Variants in SMCHD1 observed in about 807,000 individuals in gnomAD.
The protein encoded by SMCHD1 is structural maintenance of chromosomes flexible hinge domain-containing protein 1.
A neutral mutation model predicts 254.7 loss-of-function variants in SMCHD1; 78 were observed. That is an observed-to-expected ratio of 0.31 (90% CI 0.26 to 0.37). SMCHD1 has a LOEUF of 0.37. SMCHD1 is among the 10% of genes least tolerant of loss of function. SMCHD1 has a pLI of 1.00. For synonymous variants in SMCHD1, 766 were observed against 794.9 expected, an observed-to-expected ratio of 0.96 and a Z score of 0.61; for missense variants, 1,840 against 2,408.1, an observed-to-expected ratio of 0.76 and a Z score of 4.94.
At chr18:2,702,581 CAAT>C (rs1197339992) in intron 12 of SMCHD1, among the ~76,000 whole-genome samples, 3 of 152,190 alleles carry the variant, frequency 2.0e-5, no homozygotes, top group Non-Finnish European at 2.9e-5. Flanking sequence ...AAACTGACAA[CAAT>C]GATTTGCTGA....
chr18:2,796,272 C>A, intron 46 of SMCHD1, 135 bp from the exon 47 acceptor site: 2 of 853,988 alleles, frequency 2.3e-6, no homozygotes, highest in Non-Finnish European at 3.5e-6. Flanking sequence ...ACTATTCTTT[C>A]ACCAGAAGTA....
At chr18:2,656,614 T>C (rs773450798) in intron 1 of SMCHD1, among the ~76,000 whole-genome samples, 2 of 152,252 alleles carry the variant, frequency 1.3e-5, no homozygotes, top group African/African-American at 2.4e-5. Context: ...TGGTGGTGTC[T>C]GTTTTTACTT....
chr18:2,696,763 C>T (rs993390442), intron 8 of SMCHD1, among the ~76,000 whole-genome samples: 3 of 152,166 alleles, frequency 2.0e-5, no homozygotes, highest in African/African-American at 7.2e-5. Context: ...TTGGAAAGGT[C>T]TGGGTTGAAG....
intron 7 of SMCHD1, among the ~76,000 whole-genome samples, chr18:2,693,227 G>A (rs1393070019): frequency 2.6e-5 from 4 of 152,080 alleles, no homozygotes; most frequent in Non-Finnish European, 4.4e-5. Flanking sequence ...TATTTCCACA[G>A]TTTTATAATG....
At chr18:2,755,785 T>C (rs2075666743) in intron 34 of SMCHD1, among the ~76,000 whole-genome samples, 1 of 151,968 alleles carries the variant, frequency 6.6e-6, no homozygotes. Context: ...GCCAGGATGA[T>C]CTCGATCTTC....
In SMCHD1 at chr18:2,775,862, A is replaced by C. The variant is rs758494463; in HGVS notation, c.5304A>C (p.Gln1768His). The change falls in exon 42 of 48, where the codon CAA becomes CAC. Residue 1768 changes from glutamine to histidine, a missense_variant. Physicochemically the swap from Gln to His is conservative, Grantham distance 24. Coordinates refer to ENST00000320876, the MANE Select transcript of SMCHD1 (RefSeq NM_015295.3). ...CACGTCGTATCTATGATGAAACCCA[A>C]GGTCGTCAGCAGGTGTTGCCCCTTG... is the stretch of plus-strand genomic sequence containing the variant. ...DAARRIYDET[Q>H]GRQQVLPLDS... 4 of 1,612,132 alleles carry C rather than the reference A, an allele frequency of 2.5e-6. No individual in the cohort carries two copies. The East Asian group carries it at 8.9e-5, about 36-fold the overall frequency.
intron 17 of SMCHD1, among the ~76,000 whole-genome samples, chr18:2,716,378 G>A (rs939777759): frequency 1.3e-5 from 2 of 152,260 alleles, no homozygotes; most frequent in East Asian, 1.9e-4. Flanking sequence ...CCTCCTGTCC[G>A]GTATGTGGTG....
intron 45 of SMCHD1, 48 bp downstream of exon 45, chr18:2,784,669 C>G: frequency 6.8e-7 from 1 of 1,470,468 alleles, no homozygotes; most frequent in African/African-American, 1.4e-5. Context: ...TAATTTTACT[C>G]TTATTTTTCT....
chr18:2,756,493 G>C (rs531782401), intron 34 of SMCHD1, among the ~76,000 whole-genome samples: 2 of 152,130 alleles, frequency 1.3e-5, no homozygotes, highest in South Asian at 2.1e-4. Flanking sequence ...GTGTTTTTGT[G>C]GGGGGAAGGT....
chr18:2,713,616 C>T (rs2074730122), intron 17 of SMCHD1, among the ~76,000 whole-genome samples: 2 of 152,130 alleles, frequency 1.3e-5, no homozygotes, highest in African/African-American at 4.8e-5. Context: ...ACCTGGGAGG[C>T]AGAGGCTGCA....
At chr18:2,755,714 C>T (rs561226228) in intron 34 of SMCHD1, among the ~76,000 whole-genome samples, 4 of 151,630 alleles carry the variant, frequency 2.6e-5, no homozygotes, top group Non-Finnish European at 4.4e-5. Context: ...ACTATAGGCA[C>T]CTGCCACCAC....
intron 44 of SMCHD1, among the ~76,000 whole-genome samples, chr18:2,783,543 T>A (rs2076191757): frequency 6.6e-6 from 1 of 152,160 alleles, no homozygotes; most frequent in South Asian, 2.1e-4. Context: ...AAATCCAGTA[T>A]TTTTCCTTTA....
intron 42 of SMCHD1, among the ~76,000 whole-genome samples, chr18:2,776,535 G>C (rs888597397): frequency 6.6e-6 from 1 of 152,048 alleles, no homozygotes; most frequent in South Asian, 2.1e-4. Context: ...TATGTACCCT[G>C]ATTAGGCCTA....
At chr18:2,661,423 A>G (rs2073249480) in intron 1 of SMCHD1, among the ~76,000 whole-genome samples, 1 of 150,232 alleles carries the variant, frequency 6.7e-6, no homozygotes, top group South Asian at 2.1e-4. Flanking sequence ...TATGGATTAG[A>G]AATCTGTGGG....
intron 17 of SMCHD1, 90 bp downstream of exon 17, chr18:2,708,010 C>T (rs1359463176): frequency 1.1e-5 from 8 of 759,532 alleles, no homozygotes; most frequent in Non-Finnish European, 1.6e-5. Context: ...GATGACCTAG[C>T]AATCTGATAG....
chr18:2,779,579 T>G (rs1009680102), intron 44 of SMCHD1, among the ~76,000 whole-genome samples: 5 of 152,176 alleles, frequency 3.3e-5, no homozygotes, highest in African/African-American at 1.2e-4. Context: ...TAGTGTATTC[T>G]AGAATCACGG....
At chr18:2,765,108 G>A (rs984059620) in intron 37 of SMCHD1, among the ~76,000 whole-genome samples, 1 of 151,984 alleles carries the variant, frequency 6.6e-6, no homozygotes, top group Non-Finnish European at 1.5e-5. Flanking sequence ...ATTGTTTACC[G>A]ACCATTTCTT....
At chr18:2,776,161 A>G (rs2076062610) in intron 42 of SMCHD1, among the ~76,000 whole-genome samples, 1 of 152,258 alleles carries the variant, frequency 6.6e-6, no homozygotes, top group Non-Finnish European at 1.5e-5. Context: ...AACATACATT[A>G]CATGTATATG....
At chr18:2,747,884 C>G (rs1252106596) in intron 30 of SMCHD1, among the ~76,000 whole-genome samples, 1 of 152,004 alleles carries the variant, frequency 6.6e-6, no homozygotes, top group African/African-American at 2.4e-5. Context: ...TTTAGTGTTT[C>G]TTATATAGTG....
Sources: allele counts gnomAD v4.1 joint callset (sites outside exome capture counted in the v4.1 genomes callset), GRCh38; gene constraint gnomAD v4.1.1; transcripts MANE v1.5; gene names NCBI Gene and HGNC (gene_info 2026-07-23, HGNC 2026-07-21).